MIOS: variants seen among roughly 807,000 people sequenced by gnomAD.
MIOS encodes the protein meiosis regulator for oocyte development.
In MIOS, 52 loss-of-function variants were observed where a neutral mutation model predicts 96.9. That is an observed-to-expected ratio of 0.54 (90% CI 0.43 to 0.68). The LOEUF (loss-of-function observed/expected upper bound fraction) is 0.68, where lower values mean the gene tolerates loss of function less well. Ranked by LOEUF, MIOS falls within the 30% of genes least tolerant of loss-of-function variation. The pLI is 0.00. For missense variants in MIOS, 1,005 were observed against 1,052.8 expected, an observed-to-expected ratio of 0.95 and a Z score of 0.63; for synonymous variants, 397 against 359.5, an observed-to-expected ratio of 1.10 and a Z score of -1.18.
At chr7:7,582,598 T>G (rs1783765148) in intron 5 of MIOS, 1 of 968,788 alleles carries the variant, frequency 1.0e-6, no homozygotes, top group Non-Finnish European at 1.2e-6. Flanking sequence ...CAAAGTACTT[T>G]GAAGTCTGTA....
At chr7:7,591,174 C>G (rs1018956406) in intron 9 of MIOS, among the ~76,000 whole-genome samples, 11 of 152,074 alleles carry the variant, frequency 7.2e-5, no homozygotes, top group African/African-American at 2.7e-4. Flanking sequence ...CTATTTCACT[C>G]TTATTTTTTC....
chr7:7,584,170 T>C (rs1244561001), intron 6 of MIOS, among the ~76,000 whole-genome samples: 1 of 152,168 alleles, frequency 6.6e-6, no homozygotes, highest in Non-Finnish European at 1.5e-5. Context: ...TGAAATTCAC[T>C]GTAATTTTTT....
At position 7,602,837 on chromosome 7, in the gene MIOS, A is replaced by G. The variant is rs528885986; in HGVS notation, c.2402-3105A>G. On this transcript the variant is annotated intron_variant, in intron 11 of 12. Transcript: ENST00000340080. ...TCAAACTATACTACAAGGCTACAGT[A>G]ACCAAAACAGCATGGTACTGGTACC... is the stretch of plus-strand genomic sequence containing the variant. 1.0e-2 allele frequency among the ~76,000 whole-genome samples: 1,522 copies of G among 152,278 alleles called. 19 individuals carry two copies. The highest frequency in any genetic ancestry group is 0.035 in the African/African-American group (1,472 of 41,532).
At chr7:7,601,422 C>T (rs1371588325) in intron 11 of MIOS, among the ~76,000 whole-genome samples, 2 of 152,028 alleles carry the variant, frequency 1.3e-5, no homozygotes, top group Non-Finnish European at 1.5e-5. Context: ...TACAAACTAC[C>T]ATCAGAGAAT....
intron 11 of MIOS, among the ~76,000 whole-genome samples, chr7:7,603,677 A>G (rs1784443003): frequency 6.6e-6 from 1 of 152,236 alleles, no homozygotes; most frequent in African/African-American, 2.4e-5. Context: ...ATCTAGAACT[A>G]GAAATACCAT....
At chr7:7,586,585 A>G (rs1783893614) in intron 7 of MIOS, among the ~76,000 whole-genome samples, 1 of 152,208 alleles carries the variant, frequency 6.6e-6, no homozygotes. Context: ...TATCAATTAT[A>G]CATTTCTTGA....
chr7:7,607,332 T>G lies in MIOS; in HGVS notation c.*240T>G. The G allele has an allele frequency of 3.2e-6, 1 of 313,408 alleles. No homozygotes were observed. The highest frequency in any genetic ancestry group is 5.8e-6 in the Non-Finnish European group (1 of 172,860). The allele number at this position is 313,408 out of a possible 1,614,324, so 19.4% of individuals were successfully genotyped here. Reference sequence around the variant, plus strand: ...GTTCTGTTCAGCAGGTTGAAAAGTCTGATTTAGAAAAACTTTCTAAGTTTT... The same window carrying G: ...GTTCTGTTCAGCAGGTTGAAAAGTCGGATTTAGAAAAACTTTCTAAGTTTT... On this transcript the variant is annotated 3_prime_UTR_variant, in exon 13 of 13. Coordinates refer to ENST00000340080, the MANE Select transcript of MIOS (RefSeq NM_019005.4).
At chr7:7,589,602 A>C in intron 9 of MIOS, 39 bp downstream of exon 9, 5 of 1,562,094 alleles carry the variant, frequency 3.2e-6, no homozygotes, top group Non-Finnish European at 4.3e-6. Flanking sequence ...AAAAGTAACA[A>C]TATTCTATAT....
At chr7:7,605,901 A>G (rs776611394) in intron 11 of MIOS, 41 bp from the exon 12 acceptor site, 2 of 1,543,348 alleles carry the variant, frequency 1.3e-6, no homozygotes, top group Non-Finnish European at 1.8e-6. Flanking sequence ...TAAATAAAAT[A>G]TTATGATATA....
intron 9 of MIOS, among the ~76,000 whole-genome samples, chr7:7,590,174 T>C (rs1784007817): frequency 6.6e-6 from 1 of 152,152 alleles, no homozygotes; most frequent in Non-Finnish European, 1.5e-5. Context: ...ACCCTCCTCT[T>C]TCCTGCCCTC....
rs1252540526 is a variant in MIOS at position 7,572,864 on chromosome 7, C to T, written c.389C>T (p.Ala130Val). The T allele has an allele frequency of 6.2e-7, 1 of 1,614,016 alleles. No individual in the cohort carries two copies. The highest frequency in any genetic ancestry group is 8.5e-7 in the Non-Finnish European group (1 of 1,180,004). Residue 130 changes from alanine (A) to valine (V), a missense_variant, in exon 4 of 13, where the codon GCT (alanine) becomes GTT (valine). Transcript: ENST00000340080. The surrounding 1 kb of genome is among the most constrained non-coding windows in gnomAD (Gnocchi z 4.8). Reference protein sequence around the residue: ...AWNPLDSNWLAAGLDKHRADF... With the variant: ...AWNPLDSNWLVAGLDKHRADF... ...AATCCACTGGATAGTAACTGGCTAG[C>T]TGCTGGTTTAGATAAGCACAGAGCT...
At chr7:7,597,861 C>T (rs1784262833) in intron 11 of MIOS, among the ~76,000 whole-genome samples, 1 of 152,038 alleles carries the variant, frequency 6.6e-6, no homozygotes. Flanking sequence ...CATAGGGTTT[C>T]ACCCTGTTGC....
At chr7:7,587,021 G>A (rs1253954495) in intron 7 of MIOS, among the ~76,000 whole-genome samples, 1 of 119,202 alleles carries the variant, frequency 8.4e-6, no homozygotes, top group African/African-American at 3.3e-5. Context: ...TGTTGTTGTT[G>A]TTGTTTTTGA....
rs558600138 is a variant in MIOS at position 7,572,537 on chromosome 7, G to A, written c.62G>A (p.Cys21Tyr). 2.6e-5 allele frequency: 42 copies of A among 1,614,096 alleles called. 1 individual carries two copies. In the South Asian group the frequency reaches 4.2e-4, roughly 16 times the overall value. ...CACCATGTTGATAGATTTGTTGTGT[G>A]TGACTCAGAACTAAGTCTTTATCAT... The part of the protein sequence containing the change: ...APHHVDRFVV[C>Y]DSELSLYHVE... The change falls in exon 4 of 13, where the codon TGT becomes TAT. Residue 21 changes from cysteine to tyrosine, a missense_variant. Cys to Tyr is a radical substitution (Grantham distance 194). This residue lies in a region of MIOS where 137 missense variants were observed against 148.6 expected (regional missense o/e 0.92). Transcript: ENST00000340080. The surrounding 1 kb of genome is among the most constrained non-coding windows in gnomAD (Gnocchi z 4.8).
At chr7:7,606,223 G>T in intron 12 of MIOS, 152 bp downstream of exon 12, 7 of 974,260 alleles carry the variant, frequency 7.2e-6, no homozygotes, top group Non-Finnish European at 1.1e-5. Context: ...GTGTGAACAT[G>T]TCGTGATTAG....
intron 11 of MIOS, among the ~76,000 whole-genome samples, chr7:7,604,214 T>G (rs1784461574): frequency 6.6e-6 from 1 of 151,880 alleles, no homozygotes; most frequent in East Asian, 1.9e-4. Flanking sequence ...TTAATAATAA[T>G]AAAATTTAAA....
intron 5 of MIOS, chr7:7,581,840 A>G (rs545630590): frequency 6.6e-6 from 1 of 152,146 alleles, no homozygotes; most frequent in Non-Finnish European, 1.5e-5. Context: ...GACTTACTTA[A>G]TTAGGTCAGG....
At position 7,571,205 on chromosome 7, in the gene MIOS, C is replaced by T. The variant is rs546983911; in HGVS notation, c.-40-1231C>T. 4.6e-5 allele frequency among the ~76,000 whole-genome samples: 7 copies of T among 152,314 alleles called. No individual in the cohort carries two copies. The South Asian group carries it at 1.5e-3, about 32-fold the overall frequency. ...TGAATCTATTACCTTTTGCCAGCCT[C>T]TGTTAGAAACAGGCATTTAAATTTT... On this transcript the variant is annotated intron_variant, in intron 3 of 12. Transcript: ENST00000340080.
intron 5 of MIOS, among the ~76,000 whole-genome samples, chr7:7,575,650 A>G (rs920378671): frequency 2.6e-5 from 4 of 152,172 alleles, no homozygotes; most frequent in African/African-American, 7.2e-5. Context: ...ACTGCACTCA[A>G]TTATTTAGAG....
Sources: gnomAD v4.1 joint callset for allele counts (sites outside exome capture counted in the v4.1 genomes callset) on GRCh38, gnomAD v4.1.1 for gene constraint, gnomAD v4.1.1 regional missense constraint, Gnocchi (gnomAD v3.1) non-coding constraint, MANE v1.5 for transcripts, NCBI Gene and HGNC (gene_info 2026-07-23, HGNC 2026-07-21) for gene names.